CHCHD3: variants seen among roughly 807,000 people sequenced by gnomAD.
CHCHD3 encodes coiled-coil-helix-coiled-coil-helix domain containing 3.
A neutral mutation model predicts 38.2 loss-of-function variants in CHCHD3; 20 were observed. The ratio of observed to expected loss-of-function variants is 0.52; its 90% CI spans 0.37 to 0.76. The LOEUF (loss-of-function observed/expected upper bound fraction) is 0.76. Among genes scored for constraint, CHCHD3 ranks in the 30% least tolerant of loss-of-function variants. CHCHD3 has a pLI of 0.00. For synonymous variants in CHCHD3, 82 were observed against 100.0 expected (o/e 0.82, Z 1.07); for missense variants, 245 against 279.2 (o/e 0.88, Z 0.87).
At chr7:132,938,909 G>C (rs1455138394) in intron 4 of CHCHD3, among the ~76,000 whole-genome samples, 2 of 152,146 alleles carry the variant, frequency 1.3e-5, no homozygotes, top group East Asian at 3.9e-4. Context: ...GGGGACACTT[G>C]GTAGCAGCAG....
chr7:132,928,885 G>A (rs756388714), intron 4 of CHCHD3, among the ~76,000 whole-genome samples: 5 of 151,852 alleles, frequency 3.3e-5, no homozygotes, highest in Non-Finnish European at 5.9e-5. Flanking sequence ...TCTTTCCAAG[G>A]ACTATTTCTA....
Position 132,954,489 on chromosome 7 carries a change from T to C in CHCHD3, c.369+20680A>G, listed in dbSNP as rs958782499. Reference sequence around the variant, plus strand: ...TCCTTTGTGGACACAGGGTCAGGGATTATCCTCAGGCAACCATCCAGAGAC... The same window carrying C: ...TCCTTTGTGGACACAGGGTCAGGGACTATCCTCAGGCAACCATCCAGAGAC... On this transcript the variant is annotated intron_variant, in intron 4 of 7. Transcript: ENST00000262570. 2.6e-5 allele frequency among the ~76,000 whole-genome samples: 4 copies of C among 151,994 alleles called. No individual in the cohort carries two copies. The South Asian group carries it at 6.2e-4, about 24-fold the overall frequency.
chr7:132,843,301 G>C lies in CHCHD3; in HGVS notation c.454-4832C>G, dbSNP rs77653240. Among the ~76,000 whole-genome samples, 342 of 152,088 alleles carry C rather than the reference G, an allele frequency of 2.2e-3. 2 individuals carry two copies. Among genetic ancestry groups the C allele is most frequent in the African/African-American group, 7.6e-3 (316 of 41,516 alleles). ...ACAGTAGAGTCTTGGGCCACATCCTGAATCTCTGGGGATGGGGCCAGGAAG... is the reference window on the plus strand; with the variant it reads ...ACAGTAGAGTCTTGGGCCACATCCTCAATCTCTGGGGATGGGGCCAGGAAG... On this transcript the variant is annotated intron_variant, in intron 5 of 7. Transcript: ENST00000262570.
At chr7:132,906,176 C>G (rs1417315384) in intron 4 of CHCHD3, among the ~76,000 whole-genome samples, 1 of 152,110 alleles carries the variant, frequency 6.6e-6, no homozygotes, top group African/African-American at 2.4e-5. Context: ...TGTTATCTAT[C>G]AATTTAAGAA....
intron 3 of CHCHD3, among the ~76,000 whole-genome samples, chr7:133,004,956 C>T (rs1191221699): frequency 6.6e-6 from 1 of 151,844 alleles, no homozygotes; most frequent in Non-Finnish European, 1.5e-5. Context: ...AATAATCATT[C>T]TTATTTTTGT....
At chr7:132,951,889 C>T (rs1811044715) in intron 4 of CHCHD3, among the ~76,000 whole-genome samples, 1 of 152,056 alleles carries the variant, frequency 6.6e-6, no homozygotes, top group Admixed American at 6.5e-5. Context: ...GTTGAAGAGC[C>T]CATAAATCAT....
intron 3 of CHCHD3, among the ~76,000 whole-genome samples, chr7:132,983,143 G>A (rs377388206): frequency 5.3e-5 from 8 of 151,290 alleles, no homozygotes; most frequent in African/African-American, 1.7e-4. Context: ...CCAACATGGC[G>A]AAACCCCATC....
intron 4 of CHCHD3, among the ~76,000 whole-genome samples, chr7:132,948,460 G>GT (rs1810952821): frequency 6.6e-6 from 1 of 152,124 alleles, no homozygotes; most frequent in African/African-American, 2.4e-5. Flanking sequence ...AGTAGAAAAC[G>GT]TAACAGCTTC....
chr7:133,076,054 A>G (rs1814981210), intron 1 of CHCHD3, among the ~76,000 whole-genome samples: 1 of 95,248 alleles, frequency 1.0e-5, no homozygotes, highest in Admixed American at 1.4e-4. Flanking sequence ...ATGAGATTCT[A>G]TCTCAAAAAA....
chr7:132,889,340 A>G (rs12534982), intron 4 of CHCHD3, among the ~76,000 whole-genome samples: 32,408 of 151,914 alleles, frequency 0.21, 3,907 homozygotes, highest in South Asian at 0.28. Context: ...AAATGCAAAA[A>G]AAATCATAAT....
intron 5 of CHCHD3, among the ~76,000 whole-genome samples, chr7:132,843,696 T>C (rs902225494): frequency 3.3e-5 from 5 of 152,200 alleles, no homozygotes; most frequent in African/African-American, 9.7e-5. Flanking sequence ...GTTATCTCTG[T>C]TGTCTTGAGA....
intron 6 of CHCHD3, among the ~76,000 whole-genome samples, chr7:132,836,822 C>G (rs966466539): frequency 3.3e-5 from 5 of 152,162 alleles, no homozygotes; most frequent in African/African-American, 1.2e-4. Flanking sequence ...AACTAAACCT[C>G]ACATCCACTG....
intron 5 of CHCHD3, among the ~76,000 whole-genome samples, chr7:132,871,011 T>C (rs922708754): frequency 5.3e-5 from 8 of 152,222 alleles, no homozygotes; most frequent in African/African-American, 1.7e-4. Context: ...TTTAATGATA[T>C]AGGCTTAAAA....
At chr7:132,876,597 C>T (rs1808920939) in intron 5 of CHCHD3, among the ~76,000 whole-genome samples, 1 of 152,148 alleles carries the variant, frequency 6.6e-6, no homozygotes, top group African/African-American at 2.4e-5. Flanking sequence ...TTGTTGGCAT[C>T]TCAGCACTTA....
intron 3 of CHCHD3, among the ~76,000 whole-genome samples, chr7:132,978,473 T>A (rs1485439324): frequency 6.6e-6 from 1 of 152,146 alleles, no homozygotes; most frequent in African/African-American, 2.4e-5. Flanking sequence ...CCCATACTTA[T>A]AAAAGTGCCT....
chr7:132,899,120 G>A (rs1007282508), intron 4 of CHCHD3, among the ~76,000 whole-genome samples: 5 of 152,218 alleles, frequency 3.3e-5, no homozygotes, highest in African/African-American at 4.8e-5. Flanking sequence ...CAGAGGAGGC[G>A]CCGAGAGCGA....
chr7:132,917,650 A>G (rs969071219), intron 4 of CHCHD3, among the ~76,000 whole-genome samples: 2 of 152,100 alleles, frequency 1.3e-5, no homozygotes, highest in African/African-American at 4.8e-5. Context: ...CGAGGTCAGG[A>G]GATCGAGACC....
chr7:132,797,639 C>T (rs1427506211), intron 6 of CHCHD3, among the ~76,000 whole-genome samples: 1 of 152,118 alleles, frequency 6.6e-6, no homozygotes, highest in African/African-American at 2.4e-5. Context: ...GCAAAGAAAA[C>T]ATTTTAAAGT....
chr7:132,916,945 A>G (rs1424149732), intron 4 of CHCHD3, among the ~76,000 whole-genome samples: 1 of 152,200 alleles, frequency 6.6e-6, no homozygotes, highest in Admixed American at 6.5e-5. Context: ...AAAGTTATAC[A>G]TATAGGGTTT....
Sources: gnomAD v4.1 joint callset for allele counts (sites outside exome capture counted in the v4.1 genomes callset) on GRCh38, gnomAD v4.1.1 for gene constraint, MANE v1.5 for transcripts, NCBI Gene and HGNC (gene_info 2026-07-23, HGNC 2026-07-21) for gene names.